Variants in OLFML1 observed in about 807,000 individuals in gnomAD.
The protein encoded by OLFML1 is olfactomedin like 1.
In OLFML1, 33 loss-of-function variants were observed where a neutral mutation model predicts 37.3. That is an observed-to-expected ratio of 0.88 (90% CI 0.67 to 1.18). OLFML1 has a LOEUF of 1.18. Among genes scored for constraint, OLFML1 ranks in the 50% most tolerant of loss-of-function variants. The pLI, the probability that OLFML1 is intolerant of heterozygous loss-of-function variation, is 0.00. For missense variants in OLFML1, 545 were observed against 483.7 expected (o/e 1.13, Z -1.19); for synonymous variants, 186 against 181.3 (o/e 1.03, Z -0.21).
intron 2 of OLFML1, among the ~76,000 whole-genome samples, chr11:7,497,272 T>G (rs1848674002): frequency 6.6e-6 from 1 of 152,200 alleles, no homozygotes; most frequent in African/African-American, 2.4e-5. Context: ...GGATAAGACA[T>G]GCATCTGTGA....
chr11:7,487,261 G>A (rs897209391), intron 1 of OLFML1, among the ~76,000 whole-genome samples: 5 of 152,296 alleles, frequency 3.3e-5, no homozygotes, highest in South Asian at 4.1e-4. Flanking sequence ...GTTGGCCAGC[G>A]CAGACACTTA....
rs2134190271 is a variant in OLFML1, at chr11:7,509,831, T to C, written c.852T>C (p.Ser284=). The change falls in exon 3 of 3, where the codon TCT becomes TCC. Residue 284 remains serine, a synonymous_variant. Transcript: ENST00000329293. ...AGCATGGGCTCTGGGCCATCCACTC[T>C]GGGCCAGGCACCCATAGCCATTTGG... ...VDEHGLWAIH[S]GPGTHSHLVL... 3 of 1,614,194 alleles carry C rather than the reference T, an allele frequency of 1.9e-6. No homozygotes were observed. The highest frequency in any genetic ancestry group is 2.5e-6 in the Non-Finnish European group (3 of 1,179,990).
chr11:7,488,503 A>G (rs1202022046), intron 2 of OLFML1, 88 bp downstream of exon 2: 2 of 1,025,802 alleles, frequency 1.9e-6, no homozygotes, highest in African/African-American at 1.6e-5. Flanking sequence ...AGCATCATAG[A>G]GTAATGAGAG....
At chr11:7,508,497 C>T (rs1222041967) in intron 2 of OLFML1, among the ~76,000 whole-genome samples, 3 of 152,218 alleles carry the variant, frequency 2.0e-5, no homozygotes, top group Non-Finnish European at 4.4e-5. Flanking sequence ...TTCTTCCCTG[C>T]ATCAAAGGAC....
chr11:7,495,194 G>T (rs975076091), intron 2 of OLFML1, among the ~76,000 whole-genome samples: 1 of 152,014 alleles, frequency 6.6e-6, no homozygotes, highest in Non-Finnish European at 1.5e-5. Flanking sequence ...TCCTATGAAA[G>T]CCTCCTCGCT....
chr11:7,501,126 A>C (rs2134183253), intron 2 of OLFML1, among the ~76,000 whole-genome samples: 1 of 152,280 alleles, frequency 6.6e-6, no homozygotes, highest in South Asian at 2.1e-4. Flanking sequence ...GTCCTCTATG[A>C]TCAGCATAGA....
At position 7,509,549 on chromosome 11, in the gene OLFML1, A is replaced by T. The variant is rs1848828505; in HGVS notation, c.570A>T (p.Ala190=). 6.2e-7 allele frequency: 1 copy of T among 1,614,244 alleles called. No homozygotes were observed. Among genetic ancestry groups the T allele is most frequent in the Admixed American group, 1.7e-5 (1 of 60,026 alleles). The change falls in exon 3 of 3, where the codon GCA becomes GCT. Residue 190 remains alanine (A), a synonymous_variant. Coordinates refer to ENST00000329293, the MANE Select transcript of OLFML1 (RefSeq NM_198474.4). ...GAAACAACACTGTTTGGGAATTTGC[A>T]AACATACGGGCATTCATGGAGGATA... ...GSRNNTVWEF[A]NIRAFMEDNT...
chr11:7,491,892 G>C (rs542622390), intron 2 of OLFML1, among the ~76,000 whole-genome samples: 1 of 152,134 alleles, frequency 6.6e-6, no homozygotes, highest in South Asian at 2.1e-4. Context: ...TTTAGGAAGC[G>C]CCTAGTCCCT....
At chr11:7,497,096 G>T (rs1464997512) in intron 2 of OLFML1, among the ~76,000 whole-genome samples, 1 of 152,182 alleles carries the variant, frequency 6.6e-6, no homozygotes, top group East Asian at 1.9e-4. Context: ...GAGCCTGGAT[G>T]CTCTAGGACA....
rs569269093 is a variant in OLFML1, at chr11:7,510,297, A to C, written c.*109A>C. The C allele has an allele frequency of 3.6e-6, 3 of 842,578 alleles. No homozygotes were observed. The East Asian group carries it at 8.0e-5, about 22-fold the overall frequency. The allele number at this position is 842,578 out of a possible 1,614,324, so 52.2% of individuals were successfully genotyped here. The stretch of plus-strand genomic sequence containing the variant: ...TATCCCTCTAATCACACACAGGAAG[A>C]GTGTGTAGAAGTGGAAATACGTATG... On this transcript the variant is annotated 3_prime_UTR_variant, in exon 3 of 3. Coordinates refer to ENST00000329293, the MANE Select transcript of OLFML1 (RefSeq NM_198474.4).
rs1848553482 is a variant in OLFML1, at chr11:7,488,379, G to A, written c.382G>A (p.Glu128Lys). ...TLAEMLLQEA[E>K]EEKKIRTLLN... ...GGCAGAAATGTTGCTCCAAGAAGCT[G>A]AAGAAGAGAAAAAGATCCGGACTCT... is the stretch of plus-strand genomic sequence containing the variant. The change falls in exon 2 of 3, where the codon GAA (glutamate) becomes AAA (lysine). Residue 128 changes from glutamate (E) to lysine (K), a missense_variant. Coordinates refer to ENST00000329293, the MANE Select transcript of OLFML1 (RefSeq NM_198474.4). 6.2e-7 allele frequency: 1 copy of A among 1,613,832 alleles called. No individual in the cohort carries two copies. Among genetic ancestry groups the A allele is most frequent in the Non-Finnish European group, 8.5e-7 (1 of 1,179,894 alleles).
intron 2 of OLFML1, among the ~76,000 whole-genome samples, chr11:7,508,680 A>C (rs1217201501): frequency 6.6e-6 from 1 of 152,222 alleles, no homozygotes; most frequent in Admixed American, 6.5e-5. Flanking sequence ...AAATGCATTC[A>C]TACATTCATG....
intron 2 of OLFML1, among the ~76,000 whole-genome samples, chr11:7,490,928 T>C (rs1466790914): frequency 6.6e-6 from 1 of 152,108 alleles, no homozygotes; most frequent in East Asian, 1.9e-4. Context: ...GAATGTATTT[T>C]CGTCATTTAC....
At chr11:7,499,585 A>G (rs1039184276) in intron 2 of OLFML1, among the ~76,000 whole-genome samples, 2 of 152,230 alleles carry the variant, frequency 1.3e-5, no homozygotes, top group African/African-American at 4.8e-5. Flanking sequence ...GGGTTGACAA[A>G]GGGACTTTTG....
At position 7,510,637 on chromosome 11, in the gene OLFML1, C is replaced by A. The variant is rs1848848756; in HGVS notation, c.*449C>A. On this transcript the variant is annotated 3_prime_UTR_variant, in exon 3 of 3. Coordinates refer to ENST00000329293, the MANE Select transcript of OLFML1 (RefSeq NM_198474.4). ...GTCTATTGATATTCTCCCATTTTCA[C>A]TGCCCAACTAAAATACTATTAATAT... 1 of 154,984 alleles carries A rather than the reference C, an allele frequency of 6.5e-6. No individual in the cohort carries two copies. Among genetic ancestry groups the A allele is most frequent in the Non-Finnish European group, 1.4e-5 (1 of 69,926 alleles). The allele number at this position is 154,984 out of a possible 1,614,324, so 9.6% of individuals were successfully genotyped here.
intron 2 of OLFML1, among the ~76,000 whole-genome samples, chr11:7,492,656 G>A (rs1848612786): frequency 1.3e-5 from 2 of 152,058 alleles, no homozygotes; most frequent in Non-Finnish European, 1.5e-5. Context: ...CCCAAATGAC[G>A]TCCACATGAG....
At chr11:7,499,915 G>C (rs974640284) in intron 2 of OLFML1, among the ~76,000 whole-genome samples, 1 of 152,120 alleles carries the variant, frequency 6.6e-6, no homozygotes, top group African/African-American at 2.4e-5. Flanking sequence ...TTTTGAGACA[G>C]GGTCTCCCTC....
chr11:7,485,665 T>C lies in OLFML1; in HGVS notation c.-211T>C, dbSNP rs142232565. On this transcript the variant is annotated 5_prime_UTR_variant, in exon 1 of 3. Coordinates refer to ENST00000329293, the MANE Select transcript of OLFML1 (RefSeq NM_198474.4). ...AGTCTACAAGGCCTCAGGGACCAAC[T>C]TGCCAACAGCTGGACTTGATCACTA... 2.7e-4 allele frequency: 151 copies of C among 563,226 alleles called. 2 individuals carry two copies. Among genetic ancestry groups the C allele is most frequent in the African/African-American group, 1.7e-3 (92 of 53,396 alleles). The allele number at this position is 563,226 out of a possible 1,614,324, so 34.9% of individuals were successfully genotyped here. A position where few individuals can be genotyped will look rare whatever the true frequency, so the allele number is the denominator to read the frequency against.
chr11:7,508,209 G>A (rs1186032672), intron 2 of OLFML1, among the ~76,000 whole-genome samples: 2 of 152,170 alleles, frequency 1.3e-5, no homozygotes, highest in Admixed American at 6.5e-5. Flanking sequence ...AGAAGGGGTT[G>A]GCCTTGCTAT....
Sources: allele counts gnomAD v4.1 joint callset (sites outside exome capture counted in the v4.1 genomes callset), GRCh38; gene constraint gnomAD v4.1.1; transcripts MANE v1.5; gene names NCBI Gene and HGNC (gene_info 2026-07-23, HGNC 2026-07-21).